ARHGEF40: variants seen among roughly 807,000 people sequenced by gnomAD.
ARHGEF40 encodes Rho guanine nucleotide exchange factor 40.
Under a neutral mutation model 165.9 loss-of-function variants are expected in ARHGEF40, and 98 were observed. The ratio of observed to expected loss-of-function variants is 0.59; its 90% CI spans 0.50 to 0.70. The LOEUF (loss-of-function observed/expected upper bound fraction) is 0.70. Among genes scored for constraint, ARHGEF40 ranks in the 30% least tolerant of loss-of-function variants. The pLI is 0.00. For missense variants in ARHGEF40, 1,815 were observed against 1,968.0 expected (o/e 0.92, Z 1.47); for synonymous variants, 792 against 814.3 (o/e 0.97, Z 0.47).
intron 1 of ARHGEF40, among the ~76,000 whole-genome samples, chr14:21,071,129 G>A (rs1205111374): frequency 6.6e-6 from 1 of 152,186 alleles, no homozygotes; most frequent in African/African-American, 2.4e-5. Context: ...GCTACAGAGG[G>A]GAGGGAACAC....
upstream of ARHGEF40, among the ~76,000 whole-genome samples, chr14:21,068,357 G>A (rs2139177448): frequency 6.6e-6 from 1 of 151,626 alleles, no homozygotes; most frequent in East Asian, 1.9e-4. Context: ...CCAGGAGTTT[G>A]TGGACCCCCA....
chr14:21,062,731 G>C, the ARHGEF40 span, among the ~76,000 whole-genome samples: 12 of 150,770 alleles, frequency 8.0e-5, no homozygotes, highest in African/African-American at 2.9e-4. Flanking sequence ...GTGTGTGTGT[G>C]TGTGTGTGTG....
chr14:21,063,485 T>A, the ARHGEF40 span, among the ~76,000 whole-genome samples: 1 of 152,158 alleles, frequency 6.6e-6, no homozygotes, highest in East Asian at 1.9e-4. Context: ...TGGGGGGTCT[T>A]ATGCGTATGT....
intron 15 of ARHGEF40, among the ~76,000 whole-genome samples, 174 bp from the exon 16 acceptor site, chr14:21,082,655 CAA>C (rs1888017150): frequency 6.6e-6 from 1 of 152,234 alleles, no homozygotes; most frequent in Non-Finnish European, 1.5e-5. Context: ...GCCCTGCTCT[CAA>C]GAGCTGCCTG....
chr14:21,081,313 T>A, intron 13 of ARHGEF40, 196 bp from the exon 14 acceptor site: 1 of 836,322 alleles, frequency 1.2e-6, no homozygotes. Context: ...GTTATTCTTT[T>A]ATATAGGCTC....
Position 21,084,029 on chromosome 14 carries a change from G to A in ARHGEF40, c.3768G>A (p.Val1256=). 7 of 1,610,064 alleles carry A rather than the reference G, an allele frequency of 4.3e-6. No individual in the cohort carries two copies. Among genetic ancestry groups the A allele is most frequent in the South Asian group, 1.1e-5 (1 of 90,540 alleles). The change falls in exon 17 of 24, where the codon GTG becomes GTA. Residue 1256 remains valine (V), a synonymous_variant. Coordinates refer to ENST00000298694, the MANE Select transcript of ARHGEF40 (RefSeq NM_018071.5). ...QEARGRDLLA[V]EAVRGCEIDL... ...CCCGTGGCAGAGACCTGCTGGCCGT[G>A]GAGGCGGTGCGTGGCTGTGAGGTGA...
chr14:21,089,616 C>G lies in ARHGEF40; in HGVS notation c.*608C>G, dbSNP rs1199057733. The G allele has an allele frequency of 6.6e-6, 1 of 152,570 alleles. No homozygotes were observed. Among genetic ancestry groups the G allele is most frequent in the Non-Finnish European group, 1.5e-5 (1 of 68,072 alleles). 9.5% of individuals were successfully genotyped at this position (152,570 alleles called of 1,614,324 possible). A position where few individuals can be genotyped will look rare whatever the true frequency, so the allele number is the denominator to read the frequency against. ...AATAACTTGAGCACTTTCCCTCAAC[C>G]AGCCCTTAACTAGAACACAGAAAAT... On this transcript the variant is annotated 3_prime_UTR_variant, in exon 24 of 24. Transcript: ENST00000298694.
chr14:21,063,086 C>T, the ARHGEF40 span, among the ~76,000 whole-genome samples: 1 of 151,750 alleles, frequency 6.6e-6, no homozygotes, highest in Non-Finnish European at 1.5e-5. Flanking sequence ...GCTGAGATTT[C>T]ACCACTGTAC....
intron 20 of ARHGEF40, 51 bp from the exon 21 acceptor site, chr14:21,087,269 A>G (rs1263270805): frequency 1.3e-6 from 2 of 1,590,336 alleles, no homozygotes; most frequent in Admixed American, 3.4e-5. Flanking sequence ...CAGGGAGCCA[A>G]GAGGGCTTTC....
chr14:21,089,081 T>C lies in ARHGEF40; in HGVS notation c.*73T>C. The stretch of plus-strand genomic sequence containing the variant: ...TTTGGGCTGGGATGGCAGTGGGGCA[T>C]AATGGAGCCCTGGGCGATCGCTGAA... On this transcript the variant is annotated 3_prime_UTR_variant, in exon 24 of 24. Coordinates refer to ENST00000298694, the MANE Select transcript of ARHGEF40 (RefSeq NM_018071.5). 2 of 535,210 alleles carry C rather than the reference T, an allele frequency of 3.7e-6. No individual in the cohort carries two copies. The highest frequency in any genetic ancestry group is 6.6e-6 in the Non-Finnish European group (2 of 303,210). 33.2% of individuals were successfully genotyped at this position (535,210 alleles called of 1,614,324 possible). A position where few individuals can be genotyped will look rare whatever the true frequency, so the allele number is the denominator to read the frequency against.
intron 19 of ARHGEF40, chr14:21,086,226 A>C: frequency 3.9e-6 from 1 of 257,802 alleles, no homozygotes; most frequent in Non-Finnish European, 7.7e-6. Flanking sequence ...AAAATTTTAA[A>C]ATTAACTGGG....
upstream of ARHGEF40, among the ~76,000 whole-genome samples, chr14:21,069,144 C>A (rs56713959): frequency 0.038 from 5,794 of 152,322 alleles, 111 homozygotes; most frequent in South Asian, 0.077. Flanking sequence ...CTTCCCGGTG[C>A]CTGCTCAGAG....
chr14:21,061,589 G>A, the ARHGEF40 span, among the ~76,000 whole-genome samples: 1 of 152,176 alleles, frequency 6.6e-6, no homozygotes, highest in South Asian at 2.1e-4. Flanking sequence ...CTGGGCCCCT[G>A]AGAACGTGTT....
In ARHGEF40 at chr14:21,082,237, C is replaced by G; in HGVS notation, c.3252-7C>G. On this transcript the variant is annotated splice_region_variant and splice_polypyrimidine_tract_variant and intron_variant, in intron 14 of 23. Transcript: ENST00000298694. Reference sequence around the variant, plus strand: ...CACCTCCTCTGCCACTCCTATTGTGCCTGCAGTGCCCAGCAGCGGCTGGTG... The same window carrying G: ...CACCTCCTCTGCCACTCCTATTGTGGCTGCAGTGCCCAGCAGCGGCTGGTG... 6.2e-7 allele frequency: 1 copy of G among 1,602,246 alleles called. No individual in the cohort carries two copies. Among genetic ancestry groups the G allele is most frequent in the Non-Finnish European group, 8.5e-7 (1 of 1,172,012 alleles).
At position 21,082,354 on chromosome 14, in the gene ARHGEF40, G is replaced by A. The variant is rs771307575; in HGVS notation, c.3362G>A (p.Gly1121Asp). The change falls in exon 15 of 24, where the codon GGC becomes GAC. Residue 1121 changes from glycine (G) to aspartate (D), a missense_variant. Coordinates refer to ENST00000298694, the MANE Select transcript of ARHGEF40 (RefSeq NM_018071.5). ...PGPELTPELRGTWAAALSARE... is the reference protein window; with the variant it reads ...PGPELTPELRDTWAAALSARE... The stretch of plus-strand genomic sequence containing the variant: ...CCTGAGCTGACGCCTGAACTTCGGG[G>A]CACCTGGGCTGCTGCCCTGAGTGCC... 1 of 1,612,048 alleles carries A rather than the reference G, an allele frequency of 6.2e-7. No homozygotes were observed. Among genetic ancestry groups the A allele is most frequent in the Non-Finnish European group, 8.5e-7 (1 of 1,179,826 alleles).
At chr14:21,079,822 T>C (rs1292283151) in intron 11 of ARHGEF40, among the ~76,000 whole-genome samples, 1 of 152,278 alleles carries the variant, frequency 6.6e-6, no homozygotes, top group African/African-American at 2.4e-5. Flanking sequence ...TACCTGCTTG[T>C]TAGCTGTTTC....
Position 21,076,683 on chromosome 14 carries a change from T to TC in ARHGEF40, c.1917+40_1917+41insC, listed in dbSNP as rs1555337935. On this transcript the variant is annotated intron_variant, in intron 7 of 23. Coordinates refer to ENST00000298694, the MANE Select transcript of ARHGEF40 (RefSeq NM_018071.5). ...TTCCCATCTAGTTTCCCATCAGTAG[T>TC]GGGGAGAGGAGAAGAGGCTGGCTGG... 2.6e-4 allele frequency: 413 copies of TC among 1,606,906 alleles called. 1 individual carries two copies. Among genetic ancestry groups the TC allele is most frequent in the Non-Finnish European group, 3.2e-4 (374 of 1,173,590 alleles).
Position 21,072,706 on chromosome 14 carries a change from A to C in ARHGEF40, c.4-339A>C, listed in dbSNP as rs2139206394. Among the ~76,000 whole-genome samples, 1 of 152,272 alleles carries C rather than the reference A, an allele frequency of 6.6e-6. No homozygotes were observed. Among genetic ancestry groups the C allele is most frequent in the Admixed American group, 6.5e-5 (1 of 15,292 alleles). On this transcript the variant is annotated intron_variant, in intron 1 of 23. Transcript: ENST00000298694. This position sits in a 1 kb window ranked among gnomAD's most constrained non-coding sequence, Gnocchi z 4.1. ...AAGCTCAGTCCCCTGATAGCCCAGA[A>C]GCCTGTCTTTTCTCTCCTGGGAAAG...
At chr14:21,065,710 A>T (rs973791798), upstream of ARHGEF40, among the ~76,000 whole-genome samples, 2 of 152,212 alleles carry the variant, frequency 1.3e-5, no homozygotes, top group African/African-American at 2.4e-5. Flanking sequence ...AGTCACTAGA[A>T]TCGTGAATGA....
Sources: allele counts gnomAD v4.1 joint callset (sites outside exome capture counted in the v4.1 genomes callset), GRCh38; gene constraint gnomAD v4.1.1; non-coding constraint Gnocchi (gnomAD v3.1); transcripts MANE v1.5; gene names NCBI Gene and HGNC (gene_info 2026-07-23, HGNC 2026-07-21).